Variants in ANLN observed in about 807,000 individuals in gnomAD.
ANLN encodes the protein anillin.
A neutral mutation model predicts 135.1 loss-of-function variants in ANLN; 59 were observed. That is an observed-to-expected ratio of 0.44 (90% CI 0.35 to 0.54). The LOEUF (loss-of-function observed/expected upper bound fraction) is 0.54, where lower values mean the gene tolerates loss of function less well. ANLN is among the 20% of genes least tolerant of loss of function. The pLI, the probability that ANLN is intolerant of heterozygous loss-of-function variation, is 0.00. For missense variants in ANLN, 1,182 were observed against 1,340.0 expected (o/e 0.88, Z 1.84); for synonymous variants, 406 against 456.4 (o/e 0.89, Z 1.41).
chr7:36,449,754 T>C lies in ANLN; in HGVS notation c.3168T>C (p.Phe1056=). The C allele has an allele frequency of 1.9e-6, 3 of 1,614,158 alleles. No homozygotes were observed. The highest frequency in any genetic ancestry group is 2.5e-6 in the Non-Finnish European group (3 of 1,180,012). ...NREFCARRNT[F]ELITVRPQRE... ...AATTTTGTGCAAGACGCAACACTTT[T>C]GAATTAATTACTGTCCGACCACAAA... The change falls in exon 23 of 24, where the codon TTT becomes TTC. Residue 1056 remains phenylalanine, a synonymous_variant. Transcript: ENST00000265748.
At chr7:36,411,289 T>C in intron 7 of ANLN, 123 bp downstream of exon 7, 2 of 741,134 alleles carry the variant, frequency 2.7e-6, no homozygotes, top group Middle Eastern at 2.8e-4. Context: ...CTGTCACTTT[T>C]CGTTTATAAA....
In ANLN at chr7:36,406,472, G is replaced by T; in HGVS notation, c.779G>T (p.Cys260Phe). 6.2e-7 allele frequency: 1 copy of T among 1,603,908 alleles called. No homozygotes were observed. Among genetic ancestry groups the T allele is most frequent in the Non-Finnish European group, 8.5e-7 (1 of 1,172,596 alleles). ...AGTGTTAAGCAGGAAGCTACATTCT[G>T]TTCCCAAAGGGATGGCGATGCCTCT... The part of the protein sequence containing the change: ...SSSVKQEATF[C>F]SQRDGDASLN... The change falls in exon 4 of 24, where the codon TGT becomes TTT. Residue 260 changes from cysteine to phenylalanine, a missense_variant. Around this residue, in one of 3 missense-constraint regions of ANLN, gnomAD observed 1,022 missense variants for 1,134.0 expected, o/e 0.90. Coordinates refer to ENST00000265748, the MANE Select transcript of ANLN (RefSeq NM_018685.5).
At chr7:36,419,139 C>T in intron 9 of ANLN, 105 bp from the exon 10 acceptor site, 1 of 727,420 alleles carries the variant, frequency 1.4e-6, no homozygotes, top group Non-Finnish European at 2.1e-6. Context: ...TTTTTTAAGG[C>T]ATTTTTTCCT....
chr7:36,441,929 T>C (rs763000352), intron 21 of ANLN, among the ~76,000 whole-genome samples: 2 of 152,144 alleles, frequency 1.3e-5, no homozygotes, highest in African/African-American at 2.4e-5. Flanking sequence ...AGAAAAAGGC[T>C]GCTTTGGGAG....
intron 22 of ANLN, among the ~76,000 whole-genome samples, chr7:36,444,230 C>T (rs1438288969): frequency 2.0e-5 from 3 of 150,418 alleles, no homozygotes; most frequent in Non-Finnish European, 2.9e-5. Context: ...ACCAAGGTTG[C>T]AGTGAGCCGA....
chr7:36,435,872 C>CAAAAAAAA (rs57379889), intron 20 of ANLN, among the ~76,000 whole-genome samples: 10 of 52,242 alleles, frequency 1.9e-4, no homozygotes, highest in South Asian at 9.9e-4. Flanking sequence ...GACTCCGTCT[C>CAAAAAAAA]AAAAAAAAAA....
At position 36,406,390 on chromosome 7, in the gene ANLN, G is replaced by T. The variant is rs202225666; in HGVS notation, c.697G>T (p.Ala233Ser). ...CAGTGTACAAGAACAGCCTGGTACC[G>T]CTTGTTTATCCAAATTTTCCTCTGC... ...QNSVQEQPGT[A>S]CLSKFSSASG... Residue 233 changes from alanine (A) to serine (S), a missense_variant, in exon 4 of 24, where the codon GCT (alanine) becomes TCT (serine). Coordinates refer to ENST00000265748, the MANE Select transcript of ANLN (RefSeq NM_018685.5). 3 of 1,613,138 alleles carry T rather than the reference G, an allele frequency of 1.9e-6. No homozygotes were observed. Among genetic ancestry groups the T allele is most frequent in the African/African-American group, 1.3e-5 (1 of 75,028 alleles).
intron 6 of ANLN, 74 bp from the exon 7 acceptor site, chr7:36,410,985 G>A: frequency 2.9e-6 from 4 of 1,395,990 alleles, no homozygotes; most frequent in Non-Finnish European, 3.9e-6. Context: ...TGCAAACAAG[G>A]AAAATTTTAG....
chr7:36,397,451 A>C (rs1411013327), intron 2 of ANLN, among the ~76,000 whole-genome samples: 1 of 152,234 alleles, frequency 6.6e-6, no homozygotes, highest in African/African-American at 2.4e-5. Flanking sequence ...GTAGAAGTTC[A>C]CATTTACTGT....
In ANLN at chr7:36,397,946, G is replaced by A. The variant is rs80311793; in HGVS notation, c.173-1133G>A. Among the ~76,000 whole-genome samples the A allele has an allele frequency of 5.6e-3, 852 of 152,098 alleles. 5 individuals carry two copies. Among genetic ancestry groups the A allele is most frequent in the Non-Finnish European group, 7.7e-3 (524 of 67,974 alleles). ...AAAAAGAGACATAAAAGTGGAGTGGGGAAAAAATAGATTAGAAAGTTTCAT... is the reference window on the plus strand; with the variant it reads ...AAAAAGAGACATAAAAGTGGAGTGGAGAAAAAATAGATTAGAAAGTTTCAT... On this transcript the variant is annotated intron_variant, in intron 2 of 23. Coordinates refer to ENST00000265748, the MANE Select transcript of ANLN (RefSeq NM_018685.5).
intron 8 of ANLN, 130 bp downstream of exon 8, chr7:36,416,014 T>G (rs375318383): frequency 1.2e-6 from 1 of 808,410 alleles, no homozygotes; most frequent in African/African-American, 1.8e-5. Flanking sequence ...TTTAGGGTTT[T>G]CTTTCTTTTT....
At chr7:36,417,011 CA>C in intron 8 of ANLN, 68 bp from the exon 9 acceptor site, 1 of 807,044 alleles carries the variant, frequency 1.2e-6, no homozygotes, top group Non-Finnish European at 1.9e-6. Context: ...AAAACACACA[CA>C]AGATTCCATA....
chr7:36,411,280 T>C lies in ANLN; in HGVS notation c.1395+114T>C. On this transcript the variant is annotated intron_variant, in intron 7 of 23. Transcript: ENST00000265748. ...CACATTTTTCTTTTCCAATTAACTCTGTCACTTTTCGTTTATAAATCCCTT... is the reference window on the plus strand; with the variant it reads ...CACATTTTTCTTTTCCAATTAACTCCGTCACTTTTCGTTTATAAATCCCTT... 3.7e-6 allele frequency: 3 copies of C among 801,412 alleles called. No homozygotes were observed. In the East Asian group the frequency reaches 8.7e-5, roughly 23 times the overall value. The allele number at this position is 801,412 out of a possible 1,614,324, so 49.6% of individuals were successfully genotyped here.
chr7:36,415,985 A>G, intron 8 of ANLN, 101 bp downstream of exon 8: 1 of 1,080,700 alleles, frequency 9.3e-7, no homozygotes, highest in Non-Finnish European at 1.3e-6. Context: ...GTTTGTTCTA[A>G]CGTTTTTTGG....
intron 23 of ANLN, 53 bp from the exon 24 acceptor site, chr7:36,452,424 G>C: frequency 1.9e-6 from 3 of 1,609,884 alleles, no homozygotes; most frequent in South Asian, 2.2e-5. Flanking sequence ...GTACATGGGG[G>C]TATGGAATGG....
intron 20 of ANLN, among the ~76,000 whole-genome samples, chr7:36,429,096 T>G (rs1409270782): frequency 1.3e-5 from 2 of 152,116 alleles, no homozygotes; most frequent in Non-Finnish European, 2.9e-5. Context: ...AAAATTTTTA[T>G]GGTCTTAATT....
intron 3 of ANLN, 62 bp from the exon 4 acceptor site, chr7:36,406,119 G>A: frequency 3.4e-6 from 5 of 1,471,996 alleles, no homozygotes; most frequent in Non-Finnish European, 4.6e-6. Flanking sequence ...AGTGATCCTG[G>A]TATTATACGT....
intron 21 of ANLN, 82 bp from the exon 22 acceptor site, chr7:36,443,673 A>G: frequency 2.5e-6 from 2 of 799,962 alleles, no homozygotes; most frequent in Non-Finnish European, 4.2e-6. Context: ...AACATACTAC[A>G]GTTAGTGTAC....
intron 21 of ANLN, among the ~76,000 whole-genome samples, chr7:36,439,600 G>A (rs1400543236): frequency 6.6e-6 from 1 of 152,252 alleles, no homozygotes; most frequent in Non-Finnish European, 1.5e-5. Flanking sequence ...GGTCTTGACT[G>A]TGTGTGGGGT....
Sources: gnomAD v4.1 joint callset for allele counts (sites outside exome capture counted in the v4.1 genomes callset) on GRCh38, gnomAD v4.1.1 for gene constraint, gnomAD v4.1.1 regional missense constraint, MANE v1.5 for transcripts, NCBI Gene and HGNC (gene_info 2026-07-23, HGNC 2026-07-21) for gene names.